The following SIDT1 variants were observed in gnomAD, a reference collection of about 807,000 sequenced individuals.
SIDT1 encodes SID1 transmembrane family, member 1.
Under a neutral mutation model 107.5 loss-of-function variants are expected in SIDT1, and 101 were observed. The observed-to-expected ratio is 0.94, with a 90% CI of 0.80 to 1.11. The LOEUF (loss-of-function observed/expected upper bound fraction) is 1.11. SIDT1 is among the 50% of genes least tolerant of loss of function. The pLI is 0.00. For synonymous variants in SIDT1, 395 were observed against 398.2 expected, an observed-to-expected ratio of 0.99 and a Z score of 0.10; for missense variants, 1,076 against 1,058.2, an observed-to-expected ratio of 1.02 and a Z score of -0.23.
intron 1 of SIDT1, among the ~76,000 whole-genome samples, chr3:113,556,650 A>T (rs1312227624): frequency 6.6e-6 from 1 of 152,180 alleles, no homozygotes; most frequent in Non-Finnish European, 1.5e-5. Context: ...CAGCCAAGGG[A>T]ACACAAGGGG....
At chr3:113,622,191 G>A (rs1045757906) in intron 21 of SIDT1, among the ~76,000 whole-genome samples, 16 of 151,992 alleles carry the variant, frequency 1.1e-4, no homozygotes, top group Non-Finnish European at 1.2e-4. Flanking sequence ...CAGGCCGGGC[G>A]CGGTGGCTCA....
chr3:113,557,893 A>G (rs1941046786), intron 1 of SIDT1, among the ~76,000 whole-genome samples: 2 of 152,206 alleles, frequency 1.3e-5, no homozygotes, highest in Non-Finnish European at 2.9e-5. Flanking sequence ...AGGGCAGAGA[A>G]ATGGAGAAAT....
chr3:113,626,189 G>A lies in SIDT1; in HGVS notation c.2395G>A (p.Ala799Thr), dbSNP rs1486067420. ...DDHDIWHFLSATALFFSFLVL... is the reference protein window; with the variant it reads ...DDHDIWHFLSTTALFFSFLVL... ...CCATGACATCTGGCACTTCCTCTCT[G>A]CTACTGCTCTGTTTTTCTCATTCTT... is the stretch of plus-strand genomic sequence containing the variant. Residue 799 changes from alanine (A) to threonine (T), a missense_variant, in exon 24 of 25, where the codon GCT becomes ACT. Transcript: ENST00000264852. 2 of 1,613,264 alleles carry A rather than the reference G, an allele frequency of 1.2e-6. No individual in the cohort carries two copies. The highest frequency in any genetic ancestry group is 1.7e-6 in the Non-Finnish European group (2 of 1,179,416).
At chr3:113,583,535 C>A in intron 7 of SIDT1, 39 bp downstream of exon 7, 1 of 1,467,100 alleles carries the variant, frequency 6.8e-7, no homozygotes, top group Middle Eastern at 1.8e-4. Flanking sequence ...CTTAGCAAAA[C>A]CTGAAGGAAG....
rs991452546 is a variant in SIDT1 at position 113,566,529 on chromosome 3, T to C, written c.332T>C (p.Leu111Pro). 3.7e-6 allele frequency: 6 copies of C among 1,614,134 alleles called. No homozygotes were observed. In the African/African-American group the frequency reaches 8.0e-5, roughly 22 times the overall value. Residue 111 changes from leucine to proline, a missense_variant, in exon 2 of 25, where the codon CTC becomes CCC. By Grantham distance (98) the Leu-to-Pro change is moderately conservative. Transcript: ENST00000264852. The part of the protein sequence containing the change: ...KEVLSWQVPL[L>P]FQGLYQRSYN... ...GTGCTGTCCTGGCAGGTTCCTCTGC[T>C]CTTCCAAGGACTGTAAGTGGGTTTT...
At chr3:113,545,637 C>A (rs902101680) in intron 1 of SIDT1, among the ~76,000 whole-genome samples, 1 of 152,240 alleles carries the variant, frequency 6.6e-6, no homozygotes, top group African/African-American at 2.4e-5. Flanking sequence ...CCTGTTCCAT[C>A]ATCCAGATTA....
rs1436704841 is a variant in SIDT1 at position 113,536,433 on chromosome 3, T to C, written c.222+3190T>C. Among the ~76,000 whole-genome samples, 3 of 152,228 alleles carry C rather than the reference T, an allele frequency of 2.0e-5. No individual in the cohort carries two copies. In the East Asian group the frequency reaches 5.8e-4, roughly 29 times the overall value. The stretch of plus-strand genomic sequence containing the variant: ...CCCCTCTTCAGTGCAACAAAGAATT[T>C]GGTTTAGGGAAAAAAATGGCTAGTT... On this transcript the variant is annotated intron_variant, in intron 1 of 24. Coordinates refer to ENST00000264852, the MANE Select transcript of SIDT1 (RefSeq NM_017699.3).
chr3:113,581,337 T>C (rs916206125), intron 5 of SIDT1, 24 bp from the exon 6 acceptor site: 2 of 1,596,160 alleles, frequency 1.3e-6, no homozygotes, highest in Non-Finnish European at 1.7e-6. Context: ...ATGCTTTCCA[T>C]TTTATTCCTC....
At chr3:113,619,584 C>T in intron 20 of SIDT1, 96 bp from the exon 21 acceptor site, 8 of 1,025,948 alleles carry the variant, frequency 7.8e-6, no homozygotes, top group Non-Finnish European at 1.1e-5. Flanking sequence ...TTCACCAATG[C>T]AATTGTTTTC....
rs531492663 is a variant in SIDT1 at position 113,593,701 on chromosome 3, G to A, written c.1045+653G>A. ...ACCTGTCCTATCCCAAAGCTGATTT[G>A]TGAACAACAGTAAGAATGTATTGTG... On this transcript the variant is annotated intron_variant, in intron 10 of 24. Coordinates refer to ENST00000264852, the MANE Select transcript of SIDT1 (RefSeq NM_017699.3). 8.4e-4 allele frequency among the ~76,000 whole-genome samples: 128 copies of A among 152,252 alleles called. 1 individual carries two copies. Among genetic ancestry groups the A allele is most frequent in the Non-Finnish European group, 1.4e-3 (97 of 68,034 alleles).
chr3:113,581,723 A>C, intron 6 of SIDT1: 1 of 343,230 alleles, frequency 2.9e-6, no homozygotes. Flanking sequence ...AAATACAAAA[A>C]TTAGCTGGGC....
chr3:113,534,910 G>C (rs1041447463), intron 1 of SIDT1, among the ~76,000 whole-genome samples: 1 of 152,194 alleles, frequency 6.6e-6, no homozygotes, highest in African/African-American at 2.4e-5. Flanking sequence ...TAAACCTTGA[G>C]ATATTGAGGG....
intron 19 of SIDT1, 33 bp downstream of exon 19, chr3:113,612,227 C>T (rs371348384): frequency 4.2e-5 from 60 of 1,439,762 alleles, no homozygotes; most frequent in South Asian, 2.3e-4. Flanking sequence ...ACTAATCACA[C>T]GAATCAACTT....
At chr3:113,631,302 C>T (rs369330462), downstream of SIDT1, among the ~76,000 whole-genome samples, 93 of 152,290 alleles carry the variant, frequency 6.1e-4, no homozygotes, top group African/African-American at 2.1e-3. Flanking sequence ...GGCAAGCTTG[C>T]ATCTTCAGCT....
chr3:113,540,687 T>C (rs992280646), intron 1 of SIDT1, among the ~76,000 whole-genome samples: 1 of 152,324 alleles, frequency 6.6e-6, no homozygotes, highest in South Asian at 2.1e-4. Flanking sequence ...ATAGCTTCTG[T>C]CCTTGTCTTC....
At chr3:113,621,429 A>T (rs1400512094) in intron 21 of SIDT1, among the ~76,000 whole-genome samples, 11 of 151,042 alleles carry the variant, frequency 7.3e-5, no homozygotes, top group African/African-American at 2.7e-4. Context: ...ACATGGTGAG[A>T]CCCTCTCTCA....
intron 19 of SIDT1, chr3:113,612,450 C>T: frequency 1.8e-6 from 1 of 555,148 alleles, no homozygotes; most frequent in South Asian, 1.5e-5. Context: ...AGTTGTACCT[C>T]CAACCCCTGG....
At chr3:113,609,310 C>T (rs1397136387) in intron 17 of SIDT1, among the ~76,000 whole-genome samples, 1 of 152,100 alleles carries the variant, frequency 6.6e-6, no homozygotes, top group Non-Finnish European at 1.5e-5. Context: ...AGGCGATCCT[C>T]CTGCCTCTGC....
chr3:113,622,889 TA>T (rs1248608877), intron 21 of SIDT1, among the ~76,000 whole-genome samples: 2 of 152,056 alleles, frequency 1.3e-5, no homozygotes, highest in East Asian at 3.9e-4. Context: ...TGTATTAAAT[TA>T]AAAGTTACTT....
Sources: gnomAD v4.1 joint callset for allele counts (sites outside exome capture counted in the v4.1 genomes callset) on GRCh38, gnomAD v4.1.1 for gene constraint, MANE v1.5 for transcripts, NCBI Gene and HGNC (gene_info 2026-07-23, HGNC 2026-07-21) for gene names.